The following TAF3 variants were observed in gnomAD, a reference collection of about 807,000 sequenced individuals.
TAF3 encodes the protein transcription initiation factor TFIID subunit 3.
TAF3 carries 7 observed loss-of-function variants against 80.6 expected under a neutral mutation model. The observed-to-expected ratio is 0.09, with a 90% CI of 0.05 to 0.16. The LOEUF is 0.16. TAF3 is among the 10% of genes least tolerant of loss of function. The pLI is 1.00. For synonymous variants in TAF3, 444 were observed against 446.1 expected (o/e 1.00, Z 0.06); for missense variants, 921 against 1,140.2 (o/e 0.81, Z 2.77).
chr10:7,948,044 A>T (rs1838042228), intron 2 of TAF3, among the ~76,000 whole-genome samples: 1 of 151,676 alleles, frequency 6.6e-6, no homozygotes, highest in South Asian at 2.1e-4. Context: ...TTATTGTTAA[A>T]TATAGTACTT....
intron 2 of TAF3, among the ~76,000 whole-genome samples, chr10:7,886,734 C>T (rs1181097581): frequency 6.6e-6 from 1 of 152,202 alleles, no homozygotes; most frequent in African/African-American, 2.4e-5. Context: ...TTAACCTCAA[C>T]ACTTATAACA....
intron 2 of TAF3, among the ~76,000 whole-genome samples, chr10:7,859,480 C>T (rs2131133964): frequency 6.6e-6 from 1 of 152,196 alleles, no homozygotes; most frequent in East Asian, 1.9e-4. Context: ...GACCCATATT[C>T]CAACATCGCC....
At chr10:7,975,225 G>A (rs1831661876) in intron 3 of TAF3, 1 of 174,904 alleles carries the variant, frequency 5.7e-6, no homozygotes, top group African/African-American at 2.4e-5. Context: ...AAGTTTGTAG[G>A]GAATTGACAG....
At chr10:7,924,999 T>C (rs1008409179) in intron 2 of TAF3, among the ~76,000 whole-genome samples, 1 of 152,228 alleles carries the variant, frequency 6.6e-6, no homozygotes, top group Admixed American at 6.5e-5. Flanking sequence ...AGAAATACTC[T>C]AGATTTGTAA....
At position 8,015,048 on chromosome 10, in the gene TAF3, A is replaced by G. The variant is rs988212822; in HGVS notation, c.*297A>G. On this transcript the variant is annotated 3_prime_UTR_variant, in exon 7 of 7. Coordinates refer to ENST00000344293, the MANE Select transcript of TAF3 (RefSeq NM_031923.4). ...CAAGTATTATTAATAAAGAGCGTAC[A>G]TCTTCCCTTTTGATTTCCTTTATTC... 7.9e-6 allele frequency: 2 copies of G among 252,208 alleles called. No individual in the cohort carries two copies. The highest frequency in any genetic ancestry group is 7.8e-6 in the Non-Finnish European group (1 of 128,492). 15.6% of individuals were successfully genotyped at this position (252,208 alleles called of 1,614,324 possible).
chr10:7,894,609 T>TTTTTAG (rs1837489246), intron 2 of TAF3, among the ~76,000 whole-genome samples: 4 of 152,240 alleles, frequency 2.6e-5, no homozygotes, highest in African/African-American at 9.6e-5. Context: ...TATTTTCTGT[T>TTTTTAG]CATTTTTTTA....
chr10:7,824,607 T>C (rs752390308), intron 2 of TAF3, 47 bp downstream of exon 2: 4 of 1,588,378 alleles, frequency 2.5e-6, no homozygotes, highest in South Asian at 1.1e-5. Context: ...TTTTAATGGA[T>C]TTTTAATCCT....
intron 4 of TAF3, among the ~76,000 whole-genome samples, chr10:7,985,934 C>A (rs1366886683): frequency 2.6e-5 from 4 of 152,004 alleles, no homozygotes; most frequent in Non-Finnish European, 2.9e-5. Context: ...TGGGCACCCG[C>A]CCCCACACCC....
chr10:7,821,455 C>A (rs571625892), intron 1 of TAF3, among the ~76,000 whole-genome samples: 20 of 152,130 alleles, frequency 1.3e-4, no homozygotes, highest in Non-Finnish European at 2.9e-4. Context: ...CAATCCCTGA[C>A]CATAAGGTGT....
chr10:7,904,918 C>T (rs1273410607), intron 2 of TAF3, among the ~76,000 whole-genome samples: 4 of 152,210 alleles, frequency 2.6e-5, no homozygotes, highest in Middle Eastern at 3.4e-3. Flanking sequence ...CTCCACCACC[C>T]GCTCCTCCTC....
At chr10:7,828,753 G>A (rs1359305004) in intron 2 of TAF3, among the ~76,000 whole-genome samples, 2 of 152,022 alleles carry the variant, frequency 1.3e-5, no homozygotes, top group East Asian at 3.9e-4. Flanking sequence ...AGAAATATAG[G>A]CTGGGCGCAG....
chr10:7,826,629 C>T (rs866351977), intron 2 of TAF3, among the ~76,000 whole-genome samples: 3 of 152,126 alleles, frequency 2.0e-5, no homozygotes, highest in African/African-American at 2.4e-5. Flanking sequence ...CACTACTTTT[C>T]ACTTTTTATC....
chr10:7,842,151 G>GTTTTTTTTTTTTTTTTTTTTTTTTT (rs71505465), intron 2 of TAF3, among the ~76,000 whole-genome samples: 2 of 98,744 alleles, frequency 2.0e-5, no homozygotes, highest in Non-Finnish European at 4.3e-5. Context: ...AATTAATATT[G>GTTTTTTTTTTTTTTTTTTTTTTTTT]TTTTTTTTTT....
intron 2 of TAF3, among the ~76,000 whole-genome samples, chr10:7,925,862 C>A (rs1451560860): frequency 2.7e-5 from 4 of 147,318 alleles, no homozygotes; most frequent in South Asian, 2.2e-4. Flanking sequence ...GATTTTTTTA[C>A]AATTTCAATA....
rs759985447 is a variant in TAF3, at chr10:8,014,703, CAAG to C, written c.2749_2751del (p.Lys917del). 2.9e-5 allele frequency: 47 copies of C among 1,611,104 alleles called. No individual in the cohort carries two copies. The highest frequency in any genetic ancestry group is 6.7e-5 in the East Asian group (3 of 44,818). On this transcript the variant is annotated inframe_deletion, in exon 7 of 7. Transcript: ENST00000344293. ...AGTGGTTCTGCCCCAAGTGTGCGAA[CAAG>C]AAGAAGGACAAAAAGCACAAGAAGA...
intron 2 of TAF3, among the ~76,000 whole-genome samples, chr10:7,827,211 G>A (rs1165741316): frequency 1.3e-5 from 2 of 152,150 alleles, no homozygotes; most frequent in African/African-American, 4.8e-5. Flanking sequence ...ATGACTCAGC[G>A]AGTCACTGAG....
At chr10:7,983,096 C>T (rs1831741749) in intron 4 of TAF3, among the ~76,000 whole-genome samples, 2 of 152,316 alleles carry the variant, frequency 1.3e-5, no homozygotes, top group African/African-American at 2.4e-5. Flanking sequence ...GGGCTCTGCC[C>T]ACCCTCCTCT....
chr10:7,820,541 G>A (rs1029986367), intron 1 of TAF3, among the ~76,000 whole-genome samples: 3 of 152,180 alleles, frequency 2.0e-5, no homozygotes, highest in South Asian at 2.1e-4. Flanking sequence ...GTCGCCGAGC[G>A]TGGAGTGCAG....
At chr10:8,010,275 T>C (rs1564383360) in intron 5 of TAF3, among the ~76,000 whole-genome samples, 1 of 152,224 alleles carries the variant, frequency 6.6e-6, no homozygotes, top group Non-Finnish European at 1.5e-5. Context: ...TACATCACAA[T>C]GTTCACATAG....
Sources: allele counts gnomAD v4.1 joint callset (sites outside exome capture counted in the v4.1 genomes callset), GRCh38; gene constraint gnomAD v4.1.1; transcripts MANE v1.5; gene names NCBI Gene and HGNC (gene_info 2026-07-23, HGNC 2026-07-21).